The following MYO1H variants were observed in gnomAD, a reference collection of about 807,000 sequenced individuals.
The protein encoded by MYO1H is myosin IH.
In MYO1H, 118 loss-of-function variants were observed where a neutral mutation model predicts 149.3. The ratio of observed to expected loss-of-function variants is 0.79; its 90% CI spans 0.68 to 0.92. The LOEUF is 0.92. Ranked by LOEUF, MYO1H falls within the 40% of genes least tolerant of loss-of-function variation. The pLI is 0.00. For synonymous variants in MYO1H, 447 were observed against 465.2 expected, an observed-to-expected ratio of 0.96 and a Z score of 0.50; for missense variants, 1,212 against 1,280.7, an observed-to-expected ratio of 0.95 and a Z score of 0.82.
chr12:109,437,992 G>A (rs1299452764), intron 22 of MYO1H, among the ~76,000 whole-genome samples: 1 of 151,192 alleles, frequency 6.6e-6, no homozygotes, highest in Non-Finnish European at 1.5e-5. Context: ...GGAGGCTGAG[G>A]TGGGAGAATT....
the MYO1H span, among the ~76,000 whole-genome samples, chr12:109,313,523 G>A: frequency 1.3e-5 from 2 of 152,210 alleles, no homozygotes; most frequent in Non-Finnish European, 2.9e-5. Context: ...TTGGGAGTGC[G>A]ATTGCAGAAG....
At chr12:109,360,728 AC>A (rs1868726577) in intron 1 of MYO1H, among the ~76,000 whole-genome samples, 1 of 152,210 alleles carries the variant, frequency 6.6e-6, no homozygotes. Flanking sequence ...AAAGAAAAAA[AC>A]AAATGAGCAT....
intron 2 of MYO1H, among the ~76,000 whole-genome samples, chr12:109,392,925 TC>T (rs1869717921): frequency 6.6e-6 from 1 of 151,750 alleles, no homozygotes; most frequent in Admixed American, 6.6e-5. Flanking sequence ...TTCTCCTGCC[TC>T]CGCCTCCCGA....
At chr12:109,430,902 G>T (rs111537984) in intron 19 of MYO1H, among the ~76,000 whole-genome samples, 1 of 151,940 alleles carries the variant, frequency 6.6e-6, no homozygotes, top group Non-Finnish European at 1.5e-5. Context: ...CTCCAGTCTG[G>T]GTGACAGAGT....
chr12:109,425,476 C>T (rs71456692), intron 17 of MYO1H, among the ~76,000 whole-genome samples: 9,289 of 152,276 alleles, frequency 0.061, 407 homozygotes, highest in Non-Finnish European at 0.097. Flanking sequence ...GGCACTGTGC[C>T]AGGCACAGGG....
chr12:109,409,203 CCTTCTT>C (rs749401546), intron 10 of MYO1H, among the ~76,000 whole-genome samples: 65 of 140,608 alleles, frequency 4.6e-4, no homozygotes, highest in African/African-American at 1.6e-3. Context: ...ATCTCCTTCT[CCTTCTT>C]CTTCTCCTTC....
At chr12:109,433,099 C>A in intron 20 of MYO1H, 89 bp downstream of exon 20, 1 of 1,048,510 alleles carries the variant, frequency 9.5e-7, no homozygotes, top group Non-Finnish European at 1.5e-6. Flanking sequence ...AGCCTGGAGA[C>A]TCGATTCCTA....
intron 19 of MYO1H, among the ~76,000 whole-genome samples, chr12:109,432,613 G>C (rs1233228858): frequency 6.6e-6 from 1 of 152,184 alleles, no homozygotes; most frequent in African/African-American, 2.4e-5. Flanking sequence ...CTCTTGGACA[G>C]ATACCTAGGA....
chr12:109,444,245 TTA>T lies in MYO1H; in HGVS notation c.2858_2859del (p.Leu953CysfsTer24), dbSNP rs1872377475. 6.2e-7 allele frequency: 1 copy of T among 1,613,944 alleles called. No individual in the cohort carries two copies. Among genetic ancestry groups the T allele is most frequent in the Non-Finnish European group, 8.5e-7 (1 of 1,179,846 alleles). On this transcript the variant is annotated frameshift_variant, in exon 29 of 32. Coordinates refer to ENST00000310903, the Ensembl canonical transcript of MYO1H. LOFTEE classifies it high-confidence loss of function. ...CACTAGCAATCTGAGTGATGGAATC[TTA>T]GTCATTCATGTTTCACCAGAGGACA...
intron 18 of MYO1H, among the ~76,000 whole-genome samples, 188 bp from the exon 19 acceptor site, chr12:109,427,281 A>G (rs971448091): frequency 7.5e-5 from 11 of 145,780 alleles, no homozygotes; most frequent in Admixed American, 1.5e-4. Flanking sequence ...GTGCCACTGC[A>G]CTCCAGCCTG....
chr12:109,327,583 T>TA, the MYO1H span, among the ~76,000 whole-genome samples: 5 of 151,436 alleles, frequency 3.3e-5, no homozygotes, highest in African/African-American at 7.3e-5. Flanking sequence ...CTGTCTCTAC[T>TA]AAAAACATAA....
intron 5 of MYO1H, among the ~76,000 whole-genome samples, chr12:109,400,210 C>T (rs942459752): frequency 1.3e-5 from 2 of 152,194 alleles, no homozygotes; most frequent in South Asian, 2.1e-4. Flanking sequence ...AATTTAGGAC[C>T]GTGACATATA....
intron 27 of MYO1H, among the ~76,000 whole-genome samples, chr12:109,443,121 TGTAC>T (rs1872266813): frequency 5.0e-5 from 6 of 120,380 alleles, no homozygotes; most frequent in Admixed American, 8.1e-5. Context: ...TGTGTATATG[TGTAC>T]GTATATATGT....
chr12:109,315,634 A>G, the MYO1H span, among the ~76,000 whole-genome samples: 1 of 152,206 alleles, frequency 6.6e-6, no homozygotes, highest in Non-Finnish European at 1.5e-5. Context: ...ATCCCTCAAG[A>G]TAGCTATCAG....
rs1032331276 is a variant in MYO1H at position 109,424,736 on chromosome 12, C to G, written c.1645-12C>G. 6.2e-7 allele frequency: 1 copy of G among 1,610,994 alleles called. No individual in the cohort carries two copies. ...AACAGCGAACGTGGTACTCATTTCT[C>G]TTCACTTACAGGTGCTGTGCAAGTC... On this transcript the variant is annotated splice_polypyrimidine_tract_variant and intron_variant, in intron 16 of 31. Coordinates refer to ENST00000310903, the Ensembl canonical transcript of MYO1H.
the MYO1H span, among the ~76,000 whole-genome samples, chr12:109,339,530 A>T: frequency 2.0e-5 from 3 of 152,262 alleles, no homozygotes; most frequent in South Asian, 6.2e-4. Context: ...AATTGAAAAC[A>T]AATTTTGAAA....
chr12:109,344,995 T>C (rs938213038), upstream of MYO1H, among the ~76,000 whole-genome samples: 2 of 152,204 alleles, frequency 1.3e-5, no homozygotes, highest in Non-Finnish European at 2.9e-5. Flanking sequence ...ACTATAAAAC[T>C]ATTAGAAGAA....
chr12:109,365,807 C>G (rs1483238481), intron 1 of MYO1H, among the ~76,000 whole-genome samples: 1 of 152,088 alleles, frequency 6.6e-6, no homozygotes, highest in Admixed American at 6.5e-5. Context: ...ACCATTTAGA[C>G]CAGGGGTACC....
chr12:109,357,201 TGA>T (rs1868626728), intron 1 of MYO1H: 1 of 152,200 alleles, frequency 6.6e-6, no homozygotes, highest in Non-Finnish European at 1.5e-5. Flanking sequence ...TTTGGAAAGG[TGA>T]TGTCTCAACT....
Sources: allele counts gnomAD v4.1 joint callset (sites outside exome capture counted in the v4.1 genomes callset), GRCh38; gene constraint gnomAD v4.1.1; transcripts MANE v1.5; gene names NCBI Gene and HGNC (gene_info 2026-07-23, HGNC 2026-07-21).